The following RAB27A variants were observed in gnomAD, a reference collection of about 807,000 sequenced individuals.
The protein encoded by RAB27A is ras-related protein Rab-27A.
A neutral mutation model predicts 20.8 loss-of-function variants in RAB27A; 17 were observed. The observed-to-expected ratio is 0.82, with a 90% CI of 0.56 to 1.23. RAB27A has a LOEUF of 1.23. RAB27A is among the 50% of genes most tolerant of loss of function. RAB27A has a pLI of 0.00. For synonymous variants in RAB27A, 85 were observed against 92.8 expected (o/e 0.92, Z 0.48); for missense variants, 277 against 266.7 (o/e 1.04, Z -0.27).
At chr15:55,226,023 G>C (rs1566906931) in intron 5 of RAB27A, among the ~76,000 whole-genome samples, 1 of 152,176 alleles carries the variant, frequency 6.6e-6, no homozygotes, top group Middle Eastern at 3.2e-3. Context: ...TTCAGACAGA[G>C]AGAATAATGG....
chr15:55,224,107 G>T (rs924343920), intron 5 of RAB27A, 95 bp from the exon 6 acceptor site: 28 of 914,138 alleles, frequency 3.1e-5, no homozygotes, highest in Non-Finnish European at 4.4e-5. Flanking sequence ...AGACTATAAT[G>T]TATATATAGA....
At chr15:55,303,249 G>C (rs2054981915) in intron 2 of RAB27A, among the ~76,000 whole-genome samples, 1 of 98,988 alleles carries the variant, frequency 1.0e-5, no homozygotes, top group Non-Finnish European at 1.9e-5. Context: ...GCCCTGTCCG[G>C]GAGGGAGGTG....
At chr15:55,302,817 G>A (rs1199669510) in intron 2 of RAB27A, among the ~76,000 whole-genome samples, 21 of 141,984 alleles carry the variant, frequency 1.5e-4, no homozygotes, top group African/African-American at 5.7e-4. Context: ...CGTCTGAGAA[G>A]TGAGGAGACC....
chr15:55,208,707 A>G (rs774779861), intron 6 of RAB27A, among the ~76,000 whole-genome samples: 2 of 152,226 alleles, frequency 1.3e-5, no homozygotes, highest in East Asian at 1.9e-4. Flanking sequence ...ACTGTATCAC[A>G]TGCCAATGCC....
chr15:55,312,584 T>C (rs1313985965), intron 2 of RAB27A, among the ~76,000 whole-genome samples: 5 of 152,114 alleles, frequency 3.3e-5, no homozygotes, highest in Admixed American at 2.0e-4. Context: ...TTGACTGCAG[T>C]CATCCTAGTG....
intron 1 of RAB27A, among the ~76,000 whole-genome samples, chr15:55,272,114 T>A (rs1375381634): frequency 1.3e-5 from 2 of 152,212 alleles, no homozygotes; most frequent in African/African-American, 4.8e-5. Flanking sequence ...TTAGCACTTC[T>A]CAACCATCAG....
intron 2 of RAB27A, among the ~76,000 whole-genome samples, chr15:55,258,002 G>A (rs1457629882): frequency 6.6e-6 from 1 of 150,918 alleles, no homozygotes; most frequent in African/African-American, 2.4e-5. Flanking sequence ...GGGAGGCGCA[G>A]GTTGCAGTGA....
At chr15:55,296,851 C>T (rs928808568) in intron 2 of RAB27A, among the ~76,000 whole-genome samples, 2 of 151,906 alleles carry the variant, frequency 1.3e-5, no homozygotes, top group South Asian at 2.1e-4. Context: ...GGGAGGCCCA[C>T]GTTTTGTCAT....
intron 2 of RAB27A, among the ~76,000 whole-genome samples, chr15:55,298,660 G>C (rs1321353416): frequency 6.6e-6 from 1 of 152,106 alleles, no homozygotes; most frequent in Non-Finnish European, 1.5e-5. Flanking sequence ...TATTAGGCGG[G>C]AGTTTCTTCT....
intron 1 of RAB27A, among the ~76,000 whole-genome samples, chr15:55,276,094 G>A (rs919853666): frequency 2.0e-5 from 3 of 152,106 alleles, no homozygotes; most frequent in Admixed American, 2.0e-4. Flanking sequence ...ATAGGATTTG[G>A]CAATCCTACT....
At chr15:55,317,404 TC>T in intron 1 of RAB27A, 1 of 225,944 alleles carries the variant, frequency 4.4e-6, no homozygotes, top group Non-Finnish European at 8.6e-6. Flanking sequence ...CACCTCTGCC[TC>T]CCAGGTTCAA....
In RAB27A at chr15:55,276,166, A is replaced by C. The variant is rs1040503081; in HGVS notation, c.-142-5882T>G. 2.0e-5 allele frequency among the ~76,000 whole-genome samples: 3 copies of C among 152,222 alleles called. No homozygotes were observed. In the South Asian group the frequency reaches 6.2e-4, roughly 32 times the overall value. On this transcript the variant is annotated intron_variant, in intron 1 of 6. Coordinates refer to ENST00000336787, the MANE Select transcript of RAB27A (RefSeq NM_183235.3). The stretch of plus-strand genomic sequence containing the variant: ...ATTTCTAAGTGATATCTGTACTCCC[A>C]TGTTCACTGCAGCATTATTCACAAT...
intron 3 of RAB27A, among the ~76,000 whole-genome samples, chr15:55,233,423 A>G (rs1172252700): frequency 2.0e-5 from 3 of 152,226 alleles, no homozygotes. Context: ...ATAGAAAAAG[A>G]AACAACAGTA....
chr15:55,235,099 T>C (rs1896201864), intron 2 of RAB27A, 143 bp from the exon 3 acceptor site: 1 of 682,040 alleles, frequency 1.5e-6, no homozygotes, highest in Non-Finnish European at 2.5e-6. Context: ...GTTACATACA[T>C]ATTGTTCACC....
At chr15:55,233,640 GT>G (rs1048464761) in intron 3 of RAB27A, among the ~76,000 whole-genome samples, 4 of 152,124 alleles carry the variant, frequency 2.6e-5, no homozygotes, top group African/African-American at 4.8e-5. Flanking sequence ...AAAATTCATG[GT>G]GGCTAAGGGG....
intron 2 of RAB27A, among the ~76,000 whole-genome samples, chr15:55,257,697 T>C (rs1376069372): frequency 2.6e-5 from 4 of 152,096 alleles, no homozygotes; most frequent in African/African-American, 9.7e-5. Flanking sequence ...TGTATCTCAA[T>C]GAAAACACAC....
rs922879185 is a variant in RAB27A, at chr15:55,235,009, T to G, written c.-22-53A>C. 205 of 1,376,678 alleles carry G rather than the reference T, an allele frequency of 1.5e-4. 1 individual carries two copies. Among genetic ancestry groups the G allele is most frequent in the Non-Finnish European group, 2.3e-5 (23 of 997,390 alleles). 85.3% of individuals were successfully genotyped at this position (1,376,678 alleles called of 1,614,324 possible). ...TTAAAATCCATTAGAAAACATTAAT[T>G]ATCCATTTAAAAAGTGACAACAATA... is the stretch of plus-strand genomic sequence containing the variant. On this transcript the variant is annotated intron_variant, in intron 2 of 6. Transcript: ENST00000336787.
intron 2 of RAB27A, among the ~76,000 whole-genome samples, chr15:55,262,622 CTT>C (rs1286984535): frequency 8.1e-6 from 1 of 123,066 alleles, no homozygotes; most frequent in Non-Finnish European, 1.6e-5. Flanking sequence ...AGTCTTATCT[CTT>C]TTTTTTCTTT....
chr15:55,247,391 A>C (rs991307337), intron 2 of RAB27A, among the ~76,000 whole-genome samples: 1 of 152,178 alleles, frequency 6.6e-6, no homozygotes, highest in African/African-American at 2.4e-5. Flanking sequence ...AGAAAAAAAA[A>C]AAATCAGATA....
Sources: gnomAD v4.1 joint callset for allele counts (sites outside exome capture counted in the v4.1 genomes callset) on GRCh38, gnomAD v4.1.1 for gene constraint, MANE v1.5 for transcripts, NCBI Gene and HGNC (gene_info 2026-07-23, HGNC 2026-07-21) for gene names.